Variants in FGF12 observed in about 807,000 individuals in gnomAD.
The protein encoded by FGF12 is fibroblast growth factor 12B.
FGF12 carries 14 observed loss-of-function variants against 23.6 expected under a neutral mutation model. The observed-to-expected ratio is 0.59, with a 90% CI of 0.39 to 0.93. FGF12 has a LOEUF of 0.93. Ranked by LOEUF, FGF12 falls within the 40% of genes least tolerant of loss-of-function variation. The probability of loss-of-function intolerance (pLI) is 0.00; values close to 1 mark genes in which losing one functional copy is unlikely to be tolerated. For missense variants in FGF12, 175 were observed against 217.8 expected (o/e 0.80, Z 1.24); for synonymous variants, 62 against 77.3 (o/e 0.80, Z 1.04).
intron 2 of FGF12, among the ~76,000 whole-genome samples, chr3:192,535,365 T>G (rs185879737): frequency 3.3e-5 from 5 of 152,132 alleles, no homozygotes; most frequent in Admixed American, 6.5e-5. Context: ...ACAGTTCAAT[T>G]AAGGGAGAAT....
At chr3:192,473,099 T>A (rs1045343657) in intron 2 of FGF12, among the ~76,000 whole-genome samples, 1 of 152,224 alleles carries the variant, frequency 6.6e-6, no homozygotes, top group African/African-American at 2.4e-5. Flanking sequence ...TCAGAGCCTA[T>A]GAGTTTACTC....
At chr3:192,510,721 G>T (rs73889356) in intron 2 of FGF12, among the ~76,000 whole-genome samples, 3,050 of 152,258 alleles carry the variant, frequency 0.02, 108 homozygotes, top group African/African-American at 0.065. Flanking sequence ...AAGCAGCCAA[G>T]ATGTTCTTTA....
At position 192,690,326 on chromosome 3, in the gene FGF12, G is replaced by A. The variant is rs550558899; in HGVS notation, c.13+36855C>T. Among the ~76,000 whole-genome samples, 549 of 151,996 alleles carry A rather than the reference G, an allele frequency of 3.6e-3. 3 individuals are homozygous for A. Among genetic ancestry groups the A allele is most frequent in the African/African-American group, 0.013 (526 of 41,518 alleles). The stretch of plus-strand genomic sequence containing the variant: ...ACTATAAAGATTGAAAGGAAAAAAA[G>A]TATTTGAAATAACTACAGCTACATT... On this transcript the variant is annotated intron_variant, in intron 2 of 5. Transcript: ENST00000445105.
chr3:192,246,401 T>C (rs1711565402), intron 4 of FGF12, among the ~76,000 whole-genome samples: 1 of 152,192 alleles, frequency 6.6e-6, no homozygotes. Flanking sequence ...TCTGGAAGTC[T>C]TAAGATGTTG....
chr3:192,237,230 C>T (rs1217097636), intron 4 of FGF12, among the ~76,000 whole-genome samples: 2 of 152,162 alleles, frequency 1.3e-5, no homozygotes, highest in African/African-American at 2.4e-5. Flanking sequence ...TCCCTTTGTA[C>T]ATAACCTGCC....
At chr3:192,232,092 T>C (rs1482321573) in intron 4 of FGF12, among the ~76,000 whole-genome samples, 1 of 151,884 alleles carries the variant, frequency 6.6e-6, no homozygotes, top group African/African-American at 2.4e-5. Flanking sequence ...AAATACACCT[T>C]TTTTTTTCTT....
chr3:192,307,188 G>A (rs2108666134), intron 4 of FGF12, among the ~76,000 whole-genome samples: 1 of 152,218 alleles, frequency 6.6e-6, no homozygotes, highest in East Asian at 1.9e-4. Flanking sequence ...TAATGATTGA[G>A]GTAAGAAATA....
At chr3:192,452,706 C>T (rs1486024403) in intron 2 of FGF12, among the ~76,000 whole-genome samples, 1 of 152,242 alleles carries the variant, frequency 6.6e-6, no homozygotes, top group Non-Finnish European at 1.5e-5. Flanking sequence ...TGTGGCTCCA[C>T]TCAGCATCCT....
chr3:192,532,801 C>T (rs1016058311), intron 2 of FGF12, among the ~76,000 whole-genome samples: 1 of 152,176 alleles, frequency 6.6e-6, no homozygotes, highest in Middle Eastern at 3.4e-3. Flanking sequence ...ATCACTATTT[C>T]TTATGGTTTT....
chr3:192,561,495 T>C (rs1194959386), intron 2 of FGF12, among the ~76,000 whole-genome samples: 1 of 152,152 alleles, frequency 6.6e-6, no homozygotes, highest in Non-Finnish European at 1.5e-5. Flanking sequence ...TCTGAGTAGC[T>C]GGGACTACAG....
chr3:192,256,588 T>C (rs1368959370), intron 4 of FGF12, among the ~76,000 whole-genome samples: 2 of 152,142 alleles, frequency 1.3e-5, no homozygotes, highest in African/African-American at 4.8e-5. Context: ...TTAAAGCATT[T>C]AATGGCAAAA....
intron 4 of FGF12, among the ~76,000 whole-genome samples, chr3:192,202,151 T>C (rs1490839575): frequency 6.6e-6 from 1 of 151,622 alleles, no homozygotes; most frequent in Non-Finnish European, 1.5e-5. Context: ...GATGGGACCC[T>C]GAAAAAAAAA....
chr3:192,657,004 T>A (rs1020450222), intron 2 of FGF12, among the ~76,000 whole-genome samples: 1 of 152,168 alleles, frequency 6.6e-6, no homozygotes, highest in Non-Finnish European at 1.5e-5. Flanking sequence ...ACAGCACTTA[T>A]AAACAACAGA....
intron 2 of FGF12, among the ~76,000 whole-genome samples, chr3:192,579,395 A>T (rs1231193302): frequency 6.6e-6 from 1 of 152,218 alleles, no homozygotes; most frequent in African/African-American, 2.4e-5. Flanking sequence ...GATACATTTA[A>T]GAGAGTAAAA....
chr3:192,185,580 G>C (rs1054905923), intron 4 of FGF12, among the ~76,000 whole-genome samples: 11 of 151,650 alleles, frequency 7.3e-5, no homozygotes, highest in African/African-American at 2.7e-4. Flanking sequence ...ATAGCTAATA[G>C]GCCAGGCGTG....
In FGF12 at chr3:192,408,247, C is replaced by A. The variant is rs761735886; in HGVS notation, c.14-47709G>T. 10 of 1,572,910 alleles carry A rather than the reference C, an allele frequency of 6.4e-6. No homozygotes were observed. The highest frequency in any genetic ancestry group is 2.7e-5 in the African/African-American group (2 of 74,152). On this transcript the variant is annotated intron_variant, in intron 2 of 5. Coordinates refer to ENST00000445105, the MANE Select transcript of FGF12 (RefSeq NM_004113.6). This position sits in a 1 kb window ranked among gnomAD's most constrained non-coding sequence, Gnocchi z 7.3. ...ATAGCTGCTCAGCGAGGGCCTCAGG[C>A]CCCAGCCTCTACTGCGCCCTCCGGC...
At chr3:192,465,001 C>T (rs1722971140) in intron 2 of FGF12, among the ~76,000 whole-genome samples, 1 of 152,124 alleles carries the variant, frequency 6.6e-6, no homozygotes, top group South Asian at 2.1e-4. Context: ...TATTACAGAT[C>T]ATGTATGTTT....
chr3:192,561,579 G>C (rs562214554), intron 2 of FGF12, among the ~76,000 whole-genome samples: 20 of 152,186 alleles, frequency 1.3e-4, no homozygotes, highest in South Asian at 4.1e-4. Flanking sequence ...AGCCAGGATA[G>C]TCTCGATCTC....
intron 2 of FGF12, among the ~76,000 whole-genome samples, chr3:192,649,919 G>T (rs911937095): frequency 6.6e-6 from 1 of 152,120 alleles, no homozygotes; most frequent in Non-Finnish European, 1.5e-5. Context: ...TGCAGCTTAA[G>T]TTTATTCTGT....
Sources: gnomAD v4.1 joint callset for allele counts (sites outside exome capture counted in the v4.1 genomes callset) on GRCh38, gnomAD v4.1.1 for gene constraint, Gnocchi (gnomAD v3.1) non-coding constraint, MANE v1.5 for transcripts, NCBI Gene and HGNC (gene_info 2026-07-23, HGNC 2026-07-21) for gene names.